CNTN5: variants seen among roughly 807,000 people sequenced by gnomAD.
CNTN5 encodes contactin 5.
Under a neutral mutation model 129.1 loss-of-function variants are expected in CNTN5, and 77 were observed. That is an observed-to-expected ratio of 0.60 (90% CI 0.50 to 0.72). The LOEUF is 0.72. CNTN5 is among the 30% of genes least tolerant of loss of function. The probability of loss-of-function intolerance (pLI) is 0.00; values close to 1 mark genes in which losing one functional copy is unlikely to be tolerated. For synonymous variants in CNTN5, 509 were observed against 465.6 expected (o/e 1.09, Z -1.20); for missense variants, 1,478 against 1,328.8 (o/e 1.11, Z -1.75).
intron 1 of CNTN5, among the ~76,000 whole-genome samples, chr11:99,133,788 A>T (rs1330277510): frequency 6.6e-6 from 1 of 152,178 alleles, no homozygotes; most frequent in African/African-American, 2.4e-5. Context: ...GAGAAATAGG[A>T]ATGCTTTTCC....
intron 1 of CNTN5, among the ~76,000 whole-genome samples, chr11:99,025,030 A>T (rs1489970471): frequency 6.6e-6 from 1 of 151,998 alleles, no homozygotes; most frequent in African/African-American, 2.4e-5. Flanking sequence ...ACTCATAATG[A>T]TCTAAATAAC....
In CNTN5 at chr11:99,845,649, GGCGTGAGC is replaced by G. The variant is rs562594286; in HGVS notation, c.577+388_577+395del. On this transcript the variant is annotated intron_variant, in intron 6 of 24. Transcript: ENST00000524871. ...GGCCTCCCAAAGTGCTGGGATTACA[GGCGTGAGC>G]CACCGCGCCCGGCCCTTCTTGGGAT... Among the ~76,000 whole-genome samples the G allele has an allele frequency of 6.6e-3, 1,006 of 152,218 alleles. 13 individuals carry two copies. Among genetic ancestry groups the G allele is most frequent in the African/African-American group, 0.023 (957 of 41,554 alleles).
chr11:99,768,049 CTGCTTT>C (rs1944815506), intron 3 of CNTN5, among the ~76,000 whole-genome samples: 2 of 152,026 alleles, frequency 1.3e-5, no homozygotes, highest in African/African-American at 4.8e-5. Context: ...TTGTCTATGG[CTGCTTT>C]TGCACTGCAA....
intron 6 of CNTN5, among the ~76,000 whole-genome samples, chr11:99,883,279 G>C (rs1211297210): frequency 6.6e-6 from 1 of 152,006 alleles, no homozygotes; most frequent in East Asian, 1.9e-4. Flanking sequence ...TAGTTTTTTT[G>C]AGGAACCTCC....
At chr11:99,112,873 T>C (rs1857862865) in intron 1 of CNTN5, among the ~76,000 whole-genome samples, 1 of 152,038 alleles carries the variant, frequency 6.6e-6, no homozygotes, top group South Asian at 2.1e-4. Context: ...TGCATTCTTT[T>C]TACTATCCCC....
intron 2 of CNTN5, among the ~76,000 whole-genome samples, chr11:99,494,374 C>T (rs969776168): frequency 6.6e-6 from 1 of 152,164 alleles, no homozygotes; most frequent in Admixed American, 6.5e-5. Flanking sequence ...TAAAATATAT[C>T]CATTTGTCTA....
At chr11:99,454,773 AT>A in intron 2 of CNTN5, among the ~76,000 whole-genome samples, 1 of 152,164 alleles carries the variant, frequency 6.6e-6, no homozygotes, top group East Asian at 1.9e-4. Context: ...AACATTATAA[AT>A]TTTTAAAAAT....
At position 99,253,897 on chromosome 11, in the gene CNTN5, T is replaced by TTATATATATATATATA. The variant is rs67720359; in HGVS notation, c.-209-71437_-209-71422dup. 1.6e-3 allele frequency among the ~76,000 whole-genome samples: 222 copies of TTATATATATATATATA among 139,016 alleles called. 1 individual carries two copies. The highest frequency in any genetic ancestry group is 4.5e-3 in the African/African-American group (171 of 37,646). 91.2% of individuals were successfully genotyped at this position (139,016 alleles called of 152,430 possible). On this transcript the variant is annotated intron_variant, in intron 1 of 24. Transcript: ENST00000524871. ...AAAATGTATTAACACAAATATACGTTTATATATATATATATATATATATAT... is the reference window on the plus strand; with the variant it reads ...AAAATGTATTAACACAAATATACGTTTATATATATATATATATATATATATATATATATATATATAT...
intron 3 of CNTN5, among the ~76,000 whole-genome samples, chr11:99,658,598 G>T (rs1247872896): frequency 1.3e-5 from 2 of 151,736 alleles, no homozygotes; most frequent in Non-Finnish European, 2.9e-5. Context: ...TGGGCCTAGC[G>T]CAGAGGCTCA....
At chr11:99,395,355 T>C (rs1391520024) in intron 2 of CNTN5, among the ~76,000 whole-genome samples, 1 of 152,038 alleles carries the variant, frequency 6.6e-6, no homozygotes, top group African/African-American at 2.4e-5. Context: ...GAAGTGCCTG[T>C]TCATGTCCTT....
chr11:99,406,399 GTCTC>G (rs138667399), intron 2 of CNTN5, among the ~76,000 whole-genome samples: 10 of 150,042 alleles, frequency 6.7e-5, no homozygotes, highest in Non-Finnish European at 1.2e-4. Flanking sequence ...CCCAAACAGA[GTCTC>G]TCTCTCTCTC....
In CNTN5 at chr11:99,579,624, C is replaced by T. The variant is rs1372479145; in HGVS notation, c.55+23355C>T. ...ATGGGAGTTCACTCATGATTTGGCT[C>T]TCTGTTTGTCTGTTATTGGTGTATA... is the stretch of plus-strand genomic sequence containing the variant. On this transcript the variant is annotated intron_variant, in intron 3 of 24. Transcript: ENST00000524871. 1.3e-3 allele frequency among the ~76,000 whole-genome samples: 186 copies of T among 141,032 alleles called. 2 individuals carry two copies. Among genetic ancestry groups the T allele is most frequent in the African/African-American group, 4.7e-3 (173 of 37,188 alleles). The allele number at this position is 141,032 out of a possible 152,430, so 92.5% of individuals were successfully genotyped here.
At chr11:99,686,109 G>A (rs1335443153) in intron 3 of CNTN5, among the ~76,000 whole-genome samples, 4 of 151,868 alleles carry the variant, frequency 2.6e-5, no homozygotes, top group Admixed American at 6.6e-5. Flanking sequence ...ATATATATAT[G>A]TGCCATTGTT....
chr11:99,150,236 C>T (rs1269911201), intron 1 of CNTN5, among the ~76,000 whole-genome samples: 1 of 151,782 alleles, frequency 6.6e-6, no homozygotes, highest in African/African-American at 2.4e-5. Context: ...TATTTATTTG[C>T]CAGTGTTTGG....
chr11:100,275,055 C>A, intron 18 of CNTN5, among the ~76,000 whole-genome samples: 1 of 149,944 alleles, frequency 6.7e-6, no homozygotes, highest in Non-Finnish European at 1.5e-5. Context: ...AATAACAATA[C>A]AAAAGATGTT....
intron 17 of CNTN5, among the ~76,000 whole-genome samples, chr11:100,257,789 C>G (rs564226639): frequency 6.6e-6 from 1 of 152,218 alleles, no homozygotes; most frequent in South Asian, 2.1e-4. Flanking sequence ...CCAAAGGTCA[C>G]CAACATCGAA....
intron 1 of CNTN5, among the ~76,000 whole-genome samples, chr11:99,121,936 A>T (rs928769967): frequency 1.3e-5 from 2 of 151,700 alleles, no homozygotes; most frequent in Non-Finnish European, 2.9e-5. Context: ...TTTTTATTTT[A>T]AAAAATAGAA....
At chr11:100,343,749 A>C (rs1323747197) in intron 23 of CNTN5, among the ~76,000 whole-genome samples, 1 of 152,072 alleles carries the variant, frequency 6.6e-6, no homozygotes, top group Admixed American at 6.6e-5. Flanking sequence ...GAAGGTGCAC[A>C]CTAATATAGA....
intron 1 of CNTN5, among the ~76,000 whole-genome samples, chr11:99,257,374 C>T (rs978561965): frequency 3.9e-5 from 6 of 152,062 alleles, no homozygotes; most frequent in Non-Finnish European, 7.4e-5. Context: ...GAGATGAAGA[C>T]ATGTCTACAA....
Sources: allele counts gnomAD v4.1 joint callset (sites outside exome capture counted in the v4.1 genomes callset), GRCh38; gene constraint gnomAD v4.1.1; transcripts MANE v1.5; gene names NCBI Gene and HGNC (gene_info 2026-07-23, HGNC 2026-07-21).